The following KCNMA1 variants were observed in gnomAD, a reference collection of about 807,000 sequenced individuals.
KCNMA1 encodes Calcium-activated potassium channel subunit alpha-1.
In KCNMA1, 29 loss-of-function variants were observed where a neutral mutation model predicts 140.0. The ratio of observed to expected loss-of-function variants is 0.21; its 90% CI spans 0.15 to 0.28. The LOEUF is 0.28. Ranked by LOEUF, KCNMA1 falls within the 10% of genes least tolerant of loss-of-function variation. The pLI is 1.00. For synonymous variants in KCNMA1, 612 were observed against 611.9 expected (o/e 1.00, Z 0.00); for missense variants, 880 against 1,602.2 (o/e 0.55, Z 7.70).
At chr10:77,364,923 G>A (rs566171006) in intron 2 of KCNMA1, among the ~76,000 whole-genome samples, 75 of 152,262 alleles carry the variant, frequency 4.9e-4, no homozygotes, top group African/African-American at 1.7e-3. Context: ...AATAGGAACC[G>A]GGCTAGAATC....
At chr10:76,944,241 C>T (rs2063345664) in intron 23 of KCNMA1, among the ~76,000 whole-genome samples, 1 of 152,172 alleles carries the variant, frequency 6.6e-6, no homozygotes, top group African/African-American at 2.4e-5. Context: ...GGCTGCTTTG[C>T]CTCCTATAGG....
At chr10:77,407,292 C>G (rs2096500252) in intron 1 of KCNMA1, among the ~76,000 whole-genome samples, 1 of 152,170 alleles carries the variant, frequency 6.6e-6, no homozygotes, top group Non-Finnish European at 1.5e-5. Context: ...GCCCCTCTCT[C>G]CACCACTGAC....
chr10:77,598,207 G>C, intron 1 of KCNMA1, among the ~76,000 whole-genome samples: 1 of 152,130 alleles, frequency 6.6e-6, no homozygotes, highest in East Asian at 1.9e-4. Flanking sequence ...ATGACCTCAA[G>C]TGATCCGCCC....
At chr10:77,039,667 TA>T (rs1332521643) in intron 14 of KCNMA1, 30 bp from the exon 15 acceptor site, 3 of 1,381,912 alleles carry the variant, frequency 2.2e-6, no homozygotes. Context: ...GCGGAGAGTT[TA>T]AAATATGACG....
chr10:77,538,130 A>C (rs1163583990), intron 1 of KCNMA1, among the ~76,000 whole-genome samples: 3 of 150,934 alleles, frequency 2.0e-5, no homozygotes, highest in Non-Finnish European at 4.4e-5. Flanking sequence ...ACACCCACAT[A>C]CTCTACATTC....
At chr10:77,592,502 A>C (rs1385302882) in intron 1 of KCNMA1, among the ~76,000 whole-genome samples, 5 of 152,228 alleles carry the variant, frequency 3.3e-5, no homozygotes, top group Admixed American at 3.3e-4. Context: ...GGTAGACAGG[A>C]ATTCTCTGTA....
intron 5 of KCNMA1, among the ~76,000 whole-genome samples, chr10:77,181,815 T>C (rs995774985): frequency 6.6e-6 from 1 of 152,144 alleles, no homozygotes; most frequent in Non-Finnish European, 1.5e-5. Context: ...TAACCAAGCA[T>C]ATCTCAGGTC....
rs190793434 is a variant in KCNMA1 at position 77,012,761 on chromosome 10, T to C, written c.2016-718A>G. On this transcript the variant is annotated intron_variant, in intron 17 of 27. Coordinates refer to ENST00000286628, the MANE Select transcript of KCNMA1 (RefSeq NM_001161352.2). Reference sequence around the variant, plus strand: ...ACTGGAAGGGGGTGAGTAGAGCTTATTGAAGCAATAGGTAGGTAGAAGGAG... The same window carrying C: ...ACTGGAAGGGGGTGAGTAGAGCTTACTGAAGCAATAGGTAGGTAGAAGGAG... Among the ~76,000 whole-genome samples, 4 of 152,256 alleles carry C rather than the reference T, an allele frequency of 2.6e-5. No individual in the cohort carries two copies. The East Asian group carries it at 5.8e-4, about 22-fold the overall frequency.
chr10:77,228,733 G>A (rs1473238984), intron 3 of KCNMA1, among the ~76,000 whole-genome samples: 3 of 151,820 alleles, frequency 2.0e-5, no homozygotes, highest in East Asian at 3.9e-4. Flanking sequence ...ACACTCTCCC[G>A]GCTACTGCTT....
chr10:77,327,854 A>C (rs1443955717), intron 2 of KCNMA1, among the ~76,000 whole-genome samples: 1 of 152,144 alleles, frequency 6.6e-6, no homozygotes, highest in Non-Finnish European at 1.5e-5. Flanking sequence ...TAGGTAAGCC[A>C]CTTAAATGCT....
intron 2 of KCNMA1, among the ~76,000 whole-genome samples, chr10:77,256,067 A>G (rs575022421): frequency 1.3e-5 from 2 of 152,326 alleles, no homozygotes; most frequent in South Asian, 2.1e-4. Flanking sequence ...AAGGTTCATG[A>G]AAGTTCATGA....
intron 2 of KCNMA1, among the ~76,000 whole-genome samples, chr10:77,322,083 C>G (rs988472867): frequency 1.3e-5 from 2 of 152,222 alleles, no homozygotes; most frequent in Non-Finnish European, 1.5e-5. Flanking sequence ...CTCAGGGATT[C>G]AAGCTGATTG....
At chr10:77,038,421 T>C (rs2094465444) in intron 15 of KCNMA1, among the ~76,000 whole-genome samples, 1 of 152,206 alleles carries the variant, frequency 6.6e-6, no homozygotes. Context: ...GTGAGAAGAA[T>C]CCTTGTCAAA....
chr10:77,596,584 C>T (rs2081003807), intron 1 of KCNMA1, among the ~76,000 whole-genome samples: 1 of 152,200 alleles, frequency 6.6e-6, no homozygotes, highest in South Asian at 2.1e-4. Flanking sequence ...CCAGGATTTA[C>T]ATGCGCACAA....
At chr10:76,997,576 T>C (rs1289138360) in intron 19 of KCNMA1, among the ~76,000 whole-genome samples, 8 of 152,230 alleles carry the variant, frequency 5.3e-5, no homozygotes, top group Non-Finnish European at 1.0e-4. Context: ...TGTCCCTTTC[T>C]ATTACATTTA....
intron 2 of KCNMA1, among the ~76,000 whole-genome samples, chr10:77,297,164 T>C (rs185043429): frequency 6.6e-6 from 1 of 152,260 alleles, no homozygotes; most frequent in Admixed American, 6.5e-5. Flanking sequence ...TTTATAATCA[T>C]AACCTTCCTC....
chr10:77,397,175 A>C (rs756166453), intron 2 of KCNMA1, among the ~76,000 whole-genome samples: 8 of 151,382 alleles, frequency 5.3e-5, no homozygotes, highest in Non-Finnish European at 1.0e-4. Flanking sequence ...TGTATCACTG[A>C]GTCTGTAACG....
intron 1 of KCNMA1, among the ~76,000 whole-genome samples, chr10:77,606,645 A>C (rs542072695): frequency 6.6e-6 from 1 of 152,266 alleles, no homozygotes; most frequent in Admixed American, 6.5e-5. Flanking sequence ...CCTAGAGTCC[A>C]GAAAGACGTC....
In KCNMA1 at chr10:76,922,646, C is replaced by G. The variant is rs150286365; in HGVS notation, c.2903-7597G>C. Among the ~76,000 whole-genome samples the G allele has an allele frequency of 1.4e-4, 21 of 152,246 alleles. No homozygotes were observed. The East Asian group carries it at 3.9e-3, about 28-fold the overall frequency. ...TGGGGCTACTGGCAAGCAGTTAGCC[C>G]ACCATGGGGTGAATGAAAACAGGGC... is the stretch of plus-strand genomic sequence containing the variant. On this transcript the variant is annotated intron_variant, in intron 23 of 27. Coordinates refer to ENST00000286628, the MANE Select transcript of KCNMA1 (RefSeq NM_001161352.2).
Sources: allele counts gnomAD v4.1 joint callset (sites outside exome capture counted in the v4.1 genomes callset), GRCh38; gene constraint gnomAD v4.1.1; transcripts MANE v1.5; gene names NCBI Gene and HGNC (gene_info 2026-07-23, HGNC 2026-07-21).